Variants in OXR1 observed in about 807,000 individuals in gnomAD.
OXR1 encodes oxidation resistance protein 1.
A neutral mutation model predicts 104.6 loss-of-function variants in OXR1; 41 were observed. The ratio of observed to expected loss-of-function variants is 0.39; its 90% CI spans 0.31 to 0.51. The LOEUF is 0.51. Ranked by LOEUF, OXR1 falls within the 20% of genes least tolerant of loss-of-function variation. The probability of loss-of-function intolerance (pLI) is 0.77; values close to 1 mark genes in which losing one functional copy is unlikely to be tolerated. For synonymous variants in OXR1, 348 were observed against 348.4 expected (o/e 1.00, Z 0.01); for missense variants, 955 against 1,031.9 (o/e 0.93, Z 1.02).
intron 3 of OXR1, among the ~76,000 whole-genome samples, chr8:106,632,108 G>A (rs1006821275): frequency 8.5e-5 from 13 of 152,128 alleles, no homozygotes; most frequent in African/African-American, 3.1e-4. Flanking sequence ...AAGTTTTCTA[G>A]ATATGAAATG....
intron 3 of OXR1, among the ~76,000 whole-genome samples, chr8:106,675,960 C>CT (rs1827543275): frequency 6.6e-6 from 1 of 152,190 alleles, no homozygotes; most frequent in Middle Eastern, 3.4e-3. Context: ...CTTTATGAAT[C>CT]TGAGTGCTCC....
chr8:106,697,762 G>C (rs1375580417), intron 7 of OXR1: 2 of 1,613,168 alleles, frequency 1.2e-6, no homozygotes, highest in African/African-American at 2.7e-5. Flanking sequence ...GAAGGCCATG[G>C]TGGAGGCCTG....
Position 106,713,833 on chromosome 8 carries a change from T to C in OXR1, c.1804T>C (p.Leu602=). 6.4e-7 allele frequency: 1 copy of C among 1,564,526 alleles called. No individual in the cohort carries two copies. Among genetic ancestry groups the C allele is most frequent in the East Asian group, 2.4e-5 (1 of 42,454 alleles). The change falls in exon 11 of 17, where the codon TTG becomes CTG. Residue 602 remains leucine, a synonymous_variant. Coordinates refer to ENST00000517566, the MANE Select transcript of OXR1 (RefSeq NM_001198533.2). ...CACTTCTCCTAACAGGACAGATCAC[T>C]TGTATGCCTTCTTCATTCAGTGGAG... The part of the protein sequence containing the change: ...FAVPQERTDH[L]YAFFIQWSPE...
intron 3 of OXR1, among the ~76,000 whole-genome samples, chr8:106,604,190 A>G (rs753523655): frequency 6.6e-6 from 1 of 152,222 alleles, no homozygotes; most frequent in Non-Finnish European, 1.5e-5. Flanking sequence ...AACCAAGTAT[A>G]CTTTTGAAAC....
At chr8:106,375,956 C>A (rs1376279403) in intron 2 of OXR1, among the ~76,000 whole-genome samples, 1 of 152,190 alleles carries the variant, frequency 6.6e-6, no homozygotes, top group Non-Finnish European at 1.5e-5. Context: ...CTCAAGCCAT[C>A]CTCACACCTC....
At chr8:106,289,990 G>T (rs1812681903) in intron 1 of OXR1, among the ~76,000 whole-genome samples, 1 of 152,232 alleles carries the variant, frequency 6.6e-6, no homozygotes, top group Non-Finnish European at 1.5e-5. Flanking sequence ...CACCATGATT[G>T]TAAGTTTCCT....
At chr8:106,579,429 G>C (rs1818082539) in intron 3 of OXR1, among the ~76,000 whole-genome samples, 2 of 152,164 alleles carry the variant, frequency 1.3e-5, no homozygotes, top group South Asian at 4.1e-4. Flanking sequence ...GCTATTTCTA[G>C]CTAAATAAAA....
At chr8:106,527,313 T>C (rs1214334101) in intron 3 of OXR1, among the ~76,000 whole-genome samples, 1 of 152,158 alleles carries the variant, frequency 6.6e-6, no homozygotes, top group Non-Finnish European at 1.5e-5. Flanking sequence ...TCATGGAGCT[T>C]ATATGAAACA....
intron 2 of OXR1, among the ~76,000 whole-genome samples, chr8:106,378,128 C>T (rs761572158): frequency 6.6e-6 from 1 of 152,162 alleles, no homozygotes; most frequent in East Asian, 1.9e-4. Flanking sequence ...ACATTAAGAT[C>T]TTTTTGGAAT....
At chr8:106,379,329 A>G (rs1817036831) in intron 2 of OXR1, among the ~76,000 whole-genome samples, 1 of 151,906 alleles carries the variant, frequency 6.6e-6, no homozygotes, top group Non-Finnish European at 1.5e-5. Flanking sequence ...CATAATTGAT[A>G]TGTAGATCTT....
intron 1 of OXR1, among the ~76,000 whole-genome samples, chr8:106,284,605 A>G (rs1812417570): frequency 6.6e-6 from 1 of 152,208 alleles, no homozygotes; most frequent in African/African-American, 2.4e-5. Flanking sequence ...TGATACATAT[A>G]CCATAATACA....
intron 2 of OXR1, among the ~76,000 whole-genome samples, chr8:106,455,093 G>T (rs551605837): frequency 3.9e-5 from 6 of 152,208 alleles, no homozygotes; most frequent in Admixed American, 1.3e-4. Flanking sequence ...TTTGCTTATG[G>T]AGTGGTTTAG....
chr8:106,626,529 T>C (rs1334595878), intron 3 of OXR1, among the ~76,000 whole-genome samples: 1 of 151,336 alleles, frequency 6.6e-6, no homozygotes, highest in Non-Finnish European at 1.5e-5. Context: ...ACACCTTCTC[T>C]GTCTGAATTA....
At chr8:106,551,805 T>TAG (rs1401817437) in intron 3 of OXR1, among the ~76,000 whole-genome samples, 1 of 132,058 alleles carries the variant, frequency 7.6e-6, no homozygotes, top group South Asian at 2.3e-4. Context: ...TATATATATA[T>TAG]ATATATATAC....
intron 1 of OXR1, among the ~76,000 whole-genome samples, chr8:106,329,116 C>G (rs1331295370): frequency 3.3e-5 from 5 of 151,928 alleles, no homozygotes; most frequent in Admixed American, 6.5e-5. Context: ...CTCAGCCTCC[C>G]GAGTAGCTGG....
chr8:106,554,084 C>T (rs13264061), intron 3 of OXR1, among the ~76,000 whole-genome samples: 31,900 of 152,108 alleles, frequency 0.21, 3,461 homozygotes, highest in East Asian at 0.38. Context: ...TGGAGACCCT[C>T]ACCATAACAT....
intron 3 of OXR1, among the ~76,000 whole-genome samples, chr8:106,655,113 T>C (rs866116003): frequency 5.3e-5 from 8 of 152,204 alleles, no homozygotes; most frequent in Middle Eastern, 3.4e-3. Flanking sequence ...AGAAATAGAC[T>C]AGTGGTTGCC....
intron 1 of OXR1, among the ~76,000 whole-genome samples, chr8:106,301,811 A>C (rs749903289): frequency 5.9e-5 from 9 of 152,222 alleles, no homozygotes; most frequent in Non-Finnish European, 1.2e-4. Context: ...ATAGGTAGAA[A>C]TATCGAGCCT....
intron 1 of OXR1, among the ~76,000 whole-genome samples, chr8:106,313,655 A>G (rs1012028452): frequency 6.6e-6 from 1 of 152,134 alleles, no homozygotes; most frequent in African/African-American, 2.4e-5. Context: ...TTGCTAGGAC[A>G]AAATGAATTT....
Sources: allele counts gnomAD v4.1 joint callset (sites outside exome capture counted in the v4.1 genomes callset), GRCh38; gene constraint gnomAD v4.1.1; transcripts MANE v1.5; gene names NCBI Gene and HGNC (gene_info 2026-07-23, HGNC 2026-07-21).